CFAP47: variants seen among roughly 807,000 people sequenced by gnomAD.
The protein encoded by CFAP47 is cilia and flagella associated protein 47.
A neutral mutation model predicts 148.1 loss-of-function variants in CFAP47; 29 were observed. The observed-to-expected ratio is 0.20, with a 90% CI of 0.15 to 0.27. The LOEUF is 0.27. Among genes scored for constraint, CFAP47 ranks in the 10% least tolerant of loss-of-function variants. The pLI is 1.00. For synonymous variants in CFAP47, 664 were observed against 577.3 expected (o/e 1.15, Z -2.15); for missense variants, 1,872 against 1,697.5 (o/e 1.10, Z -1.81).
At chrX:36,301,036 A>T (rs1556007724) in intron 52 of CFAP47, 36 bp from the exon 53 acceptor site, 2 of 875,821 alleles carry the variant, frequency 2.3e-6, no homozygotes, top group Non-Finnish European at 3.3e-6. Context: ...ACAAACTAAA[A>T]CTGCTGACAA....
rs192393348 is a variant in CFAP47 at position 36,279,020 on chromosome X, A to G, written c.7445-1467A>G. 1.9e-3 allele frequency among the ~76,000 whole-genome samples: 214 copies of G among 111,487 alleles called. 1 individual carries two copies. The highest frequency in any genetic ancestry group is 6.4e-3 in the African/African-American group (195 of 30,631). ...GCCTGTCAACACACGAAACACCTGTATTTCTCACCTCCCCCCAGAAACAAG... is the reference window on the plus strand; with the variant it reads ...GCCTGTCAACACACGAAACACCTGTGTTTCTCACCTCCCCCCAGAAACAAG... On this transcript the variant is annotated intron_variant, in intron 49 of 63. Transcript: ENST00000378653.
At position 35,970,867 on chromosome X, in the gene CFAP47, T is replaced by C. The variant is rs748358399; in HGVS notation, c.1914T>C (p.Tyr638=). 7.6e-6 allele frequency: 9 copies of C among 1,190,454 alleles called. No homozygotes were observed. Among genetic ancestry groups the C allele is most frequent in the Middle Eastern group, 2.3e-4 (1 of 4,312 alleles). Reference sequence around the variant, plus strand: ...AAAAGAAATTACATGAAAACTATTATGCAATGTATCTTAAATATTTAAGAA... The same window carrying C: ...AAAAGAAATTACATGAAAACTATTACGCAATGTATCTTAAATATTTAAGAA... The part of the protein sequence containing the change: ...KQQKKLHENY[Y]AMYLKYLRSV... Residue 638 remains tyrosine, a synonymous_variant, in exon 11 of 64, where the codon TAT becomes TAC. Coordinates refer to ENST00000378653, the MANE Select transcript of CFAP47 (RefSeq NM_001304548.2).
rs1331900479 is a variant in CFAP47, at chrX:36,175,937, C to T, written c.6027-3408C>T. Among the ~76,000 whole-genome samples the T allele has an allele frequency of 3.5e-5, 4 of 112,992 alleles. No homozygotes were observed. In the Admixed American group the frequency reaches 3.7e-4, roughly 11 times the overall value. On this transcript the variant is annotated intron_variant, in intron 39 of 63. Coordinates refer to ENST00000378653, the MANE Select transcript of CFAP47 (RefSeq NM_001304548.2). ...TGCAGTTTGATCTCAGACTGCTGTG[C>T]TAGCAATCAGCGAGACTCCGTGGGC...
chrX:36,296,590 G>A (rs1439251067), intron 51 of CFAP47, among the ~76,000 whole-genome samples: 1 of 112,480 alleles, frequency 8.9e-6, no homozygotes, highest in Admixed American at 9.4e-5. Flanking sequence ...ATTATTGTGG[G>A]TTGTGGTTAA....
At chrX:35,946,282 A>G (rs995365269) in intron 3 of CFAP47, among the ~76,000 whole-genome samples, 2 of 112,306 alleles carry the variant, frequency 1.8e-5, no homozygotes, top group African/African-American at 6.5e-5. Flanking sequence ...TAAATAAGAC[A>G]TAGTAATGTT....
chrX:36,218,241 C>T (rs1940178614), intron 45 of CFAP47, among the ~76,000 whole-genome samples: 1 of 112,449 alleles, frequency 8.9e-6, no homozygotes, highest in South Asian at 3.7e-4. Flanking sequence ...TGCTTCTTTC[C>T]ATGTGGAGGG....
chrX:35,999,456 C>T (rs1936888875), intron 19 of CFAP47, among the ~76,000 whole-genome samples: 2 of 111,945 alleles, frequency 1.8e-5, no homozygotes, highest in East Asian at 2.8e-4. Context: ...AATAAACATT[C>T]CTTGTTTATT....
At chrX:36,286,409 G>T (rs1410782048) in intron 51 of CFAP47, among the ~76,000 whole-genome samples, 1 of 103,893 alleles carries the variant, frequency 9.6e-6, no homozygotes, top group African/African-American at 3.5e-5. Context: ...TTGAACTTTG[G>T]TTCCAATAAA....
chrX:36,164,897 T>G (rs1231699115), intron 39 of CFAP47, among the ~76,000 whole-genome samples: 2 of 111,935 alleles, frequency 1.8e-5, no homozygotes, highest in African/African-American at 6.5e-5. Context: ...GTCTATAACT[T>G]ACTCATCTAA....
At chrX:35,946,874 G>C (rs1396837431) in intron 3 of CFAP47, among the ~76,000 whole-genome samples, 2 of 111,819 alleles carry the variant, frequency 1.8e-5, no homozygotes, top group Non-Finnish European at 3.8e-5. Context: ...TGTGTGGGGT[G>C]CTGTGACCAC....
intron 62 of CFAP47, among the ~76,000 whole-genome samples, chrX:36,370,176 G>A (rs781873229): frequency 3.0e-4 from 33 of 110,611 alleles, no homozygotes; most frequent in African/African-American, 1.1e-3. Flanking sequence ...AGATATACAT[G>A]TGCCATGTTG....
At chrX:36,350,377 A>G (rs6632581) in intron 59 of CFAP47, among the ~76,000 whole-genome samples, 11,779 of 110,803 alleles carry the variant, frequency 0.11, 522 homozygotes, top group East Asian at 0.26. Flanking sequence ...AAATCAAATT[A>G]ACTTCAGACT....
chrX:35,975,300 T>C lies in CFAP47; in HGVS notation c.2408T>C (p.Leu803Pro). The C allele has an allele frequency of 5.8e-6, 7 of 1,208,454 alleles. No homozygotes were observed. The highest frequency in any genetic ancestry group is 7.8e-6 in the Non-Finnish European group (7 of 892,977). Reference protein sequence around the residue: ...QKTNQFSYVILPTSSTYISMV... With the variant: ...QKTNQFSYVIPPTSSTYISMV... ...ACCAACCAATTTTCATACGTGATTCTACCTACATCCAGTACTTATATTTCA... is the reference window on the plus strand; with the variant it reads ...ACCAACCAATTTTCATACGTGATTCCACCTACATCCAGTACTTATATTTCA... The change falls in exon 14 of 64, where the codon CTA (leucine) becomes CCA (proline). Residue 803 changes from leucine (L) to proline (P), a missense_variant. Coordinates refer to ENST00000378653, the MANE Select transcript of CFAP47 (RefSeq NM_001304548.2).
At chrX:36,276,646 T>C (rs1941021331) in intron 49 of CFAP47, among the ~76,000 whole-genome samples, 1 of 112,013 alleles carries the variant, frequency 8.9e-6, no homozygotes, top group Non-Finnish European at 1.9e-5. Context: ...TGGTAATTTA[T>C]GTTGCACATT....
At chrX:36,149,039 A>G in intron 36 of CFAP47, 69 bp from the exon 37 acceptor site, 1 of 276,461 alleles carries the variant, frequency 3.6e-6, no homozygotes, top group East Asian at 5.1e-5. Context: ...TGATAAAAAT[A>G]AGAAATGATA....
intron 39 of CFAP47, among the ~76,000 whole-genome samples, chrX:36,175,615 T>C (rs1172478582): frequency 8.9e-6 from 1 of 112,224 alleles, no homozygotes; most frequent in Non-Finnish European, 1.9e-5. Context: ...GCTGCTCGGA[T>C]GTCAGCAGTC....
intron 62 of CFAP47, chrX:36,375,169 A>G (rs1556022680): frequency 3.3e-6 from 1 of 307,505 alleles, no homozygotes; most frequent in East Asian, 7.8e-5. Context: ...CAGCCAGGAC[A>G]TTCATGAGCA....
intron 45 of CFAP47, among the ~76,000 whole-genome samples, chrX:36,220,089 C>A (rs1249631737): frequency 4.5e-5 from 5 of 111,699 alleles, no homozygotes; most frequent in African/African-American, 1.6e-4. Context: ...ACGTTTTGAT[C>A]ACCAACATGG....
intron 29 of CFAP47, among the ~76,000 whole-genome samples, 195 bp from the exon 30 acceptor site, chrX:36,085,119 A>G (rs768119137): frequency 8.1e-5 from 9 of 111,491 alleles, no homozygotes; most frequent in Non-Finnish European, 1.1e-4. Flanking sequence ...TTTAAATGAG[A>G]TACTGGAAAT....
Sources: gnomAD v4.1 joint callset for allele counts (sites outside exome capture counted in the v4.1 genomes callset) on GRCh38, gnomAD v4.1.1 for gene constraint, MANE v1.5 for transcripts, NCBI Gene and HGNC (gene_info 2026-07-23, HGNC 2026-07-21) for gene names.